EXOC2: variants seen among roughly 807,000 people sequenced by gnomAD.
The protein encoded by EXOC2 is SEC5-like 1.
A neutral mutation model predicts 131.8 loss-of-function variants in EXOC2; 70 were observed. The observed-to-expected ratio is 0.53, with a 90% CI of 0.44 to 0.65. EXOC2 has a LOEUF of 0.65. Among genes scored for constraint, EXOC2 ranks in the 30% least tolerant of loss-of-function variants. The probability of loss-of-function intolerance (pLI) is 0.00; values close to 1 mark genes in which losing one functional copy is unlikely to be tolerated. For synonymous variants in EXOC2, 411 were observed against 398.4 expected, an observed-to-expected ratio of 1.03 and a Z score of -0.38; for missense variants, 923 against 1,108.6, an observed-to-expected ratio of 0.83 and a Z score of 2.38.
chr6:566,225 T>C (rs1187020512), intron 13 of EXOC2, among the ~76,000 whole-genome samples: 1 of 152,098 alleles, frequency 6.6e-6, no homozygotes, highest in Non-Finnish European at 1.5e-5. Flanking sequence ...AACTCATAGG[T>C]TGATTTTTCC....
chr6:610,336 CACCA>C (rs1760651899), intron 6 of EXOC2, among the ~76,000 whole-genome samples, 158 bp from the exon 7 acceptor site: 1 of 152,196 alleles, frequency 6.6e-6, no homozygotes, highest in Non-Finnish European at 1.5e-5. Flanking sequence ...ACCCAGCAGA[CACCA>C]GTCTAAGTTA....
chr6:518,313 T>G (rs965800032), intron 23 of EXOC2, among the ~76,000 whole-genome samples: 1 of 152,226 alleles, frequency 6.6e-6, no homozygotes, highest in African/African-American at 2.4e-5. Context: ...TGATCGCTGC[T>G]TAAGTCGGCC....
intron 11 of EXOC2, among the ~76,000 whole-genome samples, chr6:589,222 G>A (rs539174896): frequency 3.3e-4 from 51 of 152,252 alleles, no homozygotes; most frequent in African/African-American, 1.2e-3. Context: ...GCACCCGCAC[G>A]GTGTCTGGAA....
intron 23 of EXOC2, among the ~76,000 whole-genome samples, chr6:509,383 C>T (rs1375187445): frequency 6.6e-6 from 1 of 152,160 alleles, no homozygotes; most frequent in Non-Finnish European, 1.5e-5. Context: ...ATTCTGCCAA[C>T]CTATCATGCA....
chr6:545,670 A>T (rs1723564814), intron 22 of EXOC2, among the ~76,000 whole-genome samples: 1 of 152,272 alleles, frequency 6.6e-6, no homozygotes, highest in Admixed American at 6.5e-5. Context: ...TCAGCTTCCA[A>T]AAAGCTATCT....
intron 1 of EXOC2, among the ~76,000 whole-genome samples, chr6:692,770 G>T (rs1294717830): frequency 6.7e-6 from 1 of 149,540 alleles, no homozygotes; most frequent in Non-Finnish European, 1.5e-5. Context: ...GGCGCAGGTG[G>T]GGACCGCGGG....
intron 4 of EXOC2, among the ~76,000 whole-genome samples, chr6:620,034 T>C (rs1761205279): frequency 6.6e-6 from 1 of 152,250 alleles, no homozygotes; most frequent in African/African-American, 2.4e-5. Context: ...CCACATCTAA[T>C]CACAAAGCAC....
intron 10 of EXOC2, among the ~76,000 whole-genome samples, chr6:595,840 C>T (rs1367825049): frequency 6.6e-6 from 1 of 152,082 alleles, no homozygotes; most frequent in East Asian, 1.9e-4. Flanking sequence ...GCAACTCTGT[C>T]GCTTTCTAGG....
intron 25 of EXOC2, among the ~76,000 whole-genome samples, chr6:495,749 T>C (rs1026921578): frequency 2.0e-5 from 3 of 152,216 alleles, no homozygotes; most frequent in Non-Finnish European, 4.4e-5. Context: ...CATCGCATTG[T>C]AGTGTTAATT....
chr6:525,792 T>C (rs1379070823), intron 23 of EXOC2, among the ~76,000 whole-genome samples: 2 of 152,184 alleles, frequency 1.3e-5, no homozygotes, highest in East Asian at 1.9e-4. Context: ...AATAGATACA[T>C]TGTCTTTTTC....
chr6:502,313 T>C (rs1308470554), intron 23 of EXOC2, among the ~76,000 whole-genome samples: 1 of 152,226 alleles, frequency 6.6e-6, no homozygotes, highest in Non-Finnish European at 1.5e-5. Context: ...AACGATGTGC[T>C]ACGGTGCAAG....
chr6:557,965 C>T (rs1203818831), intron 17 of EXOC2, among the ~76,000 whole-genome samples: 6 of 151,880 alleles, frequency 4.0e-5, no homozygotes, highest in African/African-American at 1.5e-4. Context: ...CGTGTCAGAA[C>T]CACCAAACAT....
rs1441620065 is a variant in EXOC2 at position 573,487 on chromosome 6, C to T, written c.1319-843G>A. 5.3e-5 allele frequency among the ~76,000 whole-genome samples: 8 copies of T among 152,082 alleles called. No homozygotes were observed. In the East Asian group the frequency reaches 5.8e-4, roughly 11 times the overall value. On this transcript the variant is annotated intron_variant, in intron 12 of 27. Transcript: ENST00000230449. ...CGTCCAGTCCTCAGCACAATGACGC[C>T]GCGGATCAGGCTCTAACTCCTACTC...
chr6:691,531 T>C (rs1764923528), intron 1 of EXOC2, among the ~76,000 whole-genome samples: 1 of 152,260 alleles, frequency 6.6e-6, no homozygotes, highest in African/African-American at 2.4e-5. Flanking sequence ...ATTTTAACAT[T>C]TTCCTCTCTC....
intron 1 of EXOC2, among the ~76,000 whole-genome samples, chr6:682,988 T>C (rs930001739): frequency 2.6e-5 from 4 of 152,180 alleles, no homozygotes; most frequent in Non-Finnish European, 5.9e-5. Flanking sequence ...TCCAGATCAG[T>C]TGAGGCAAAG....
intron 7 of EXOC2, among the ~76,000 whole-genome samples, chr6:603,258 C>T (rs138994671): frequency 3.9e-4 from 60 of 152,208 alleles, no homozygotes; most frequent in South Asian, 1.9e-3. Flanking sequence ...CATTAGGGTG[C>T]CTGGAATATC....
At chr6:545,981 CT>C (rs1322141583) in intron 22 of EXOC2, among the ~76,000 whole-genome samples, 6 of 151,994 alleles carry the variant, frequency 3.9e-5, no homozygotes, top group African/African-American at 7.2e-5. Flanking sequence ...AAAAATGTTT[CT>C]TTTTTTCTCA....
intron 24 of EXOC2, among the ~76,000 whole-genome samples, chr6:497,944 C>G (rs915231821): frequency 1.3e-5 from 2 of 152,052 alleles, no homozygotes; most frequent in Non-Finnish European, 2.9e-5. Context: ...GAGAACAAGC[C>G]CCCCCTCCAC....
At chr6:648,473 TCA>T (rs753168092) in intron 1 of EXOC2, among the ~76,000 whole-genome samples, 1 of 152,204 alleles carries the variant, frequency 6.6e-6, no homozygotes, top group Non-Finnish European at 1.5e-5. Flanking sequence ...CAAATTTTCC[TCA>T]CAAATATTCC....
Sources: allele counts gnomAD v4.1 joint callset (sites outside exome capture counted in the v4.1 genomes callset), GRCh38; gene constraint gnomAD v4.1.1; transcripts MANE v1.5; gene names NCBI Gene and HGNC (gene_info 2026-07-23, HGNC 2026-07-21).